The following PAPPA2 variants were observed in gnomAD, a reference collection of about 807,000 sequenced individuals.
PAPPA2 encodes the protein pappalysin-2.
PAPPA2 carries 86 observed loss-of-function variants against 176.4 expected under a neutral mutation model. That is an observed-to-expected ratio of 0.49 (90% CI 0.41 to 0.58). The LOEUF (loss-of-function observed/expected upper bound fraction) is 0.58, where lower values mean the gene tolerates loss of function less well. PAPPA2 is among the 20% of genes least tolerant of loss of function. The pLI is 0.00. For synonymous variants in PAPPA2, 809 were observed against 852.2 expected, an observed-to-expected ratio of 0.95 and a Z score of 0.88; for missense variants, 2,073 against 2,256.9, an observed-to-expected ratio of 0.92 and a Z score of 1.65.
intron 14 of PAPPA2, among the ~76,000 whole-genome samples, chr1:176,746,316 G>A (rs775329113): frequency 6.6e-6 from 1 of 152,242 alleles, no homozygotes; most frequent in Admixed American, 6.5e-5. Flanking sequence ...AGAAAGTCTT[G>A]TCAAATAACC....
chr1:176,792,689 T>C (rs1005658181), intron 19 of PAPPA2, among the ~76,000 whole-genome samples: 2 of 152,034 alleles, frequency 1.3e-5, no homozygotes, highest in East Asian at 1.9e-4. Context: ...TGTGCACATG[T>C]ACCCTAAAAC....
rs1464824339 is a variant in PAPPA2 at position 176,640,434 on chromosome 1, T to G, written c.1992-30536T>G. ...TTCAATTCCCACCTATGAGTGAGAA[T>G]ATGTGGTGTTTGGTTTTTCGTTCTT... On this transcript the variant is annotated intron_variant, in intron 3 of 22. Coordinates refer to ENST00000367662, the MANE Select transcript of PAPPA2 (RefSeq NM_020318.3). Among the ~76,000 whole-genome samples the G allele has an allele frequency of 1.3e-5, 2 of 148,670 alleles. 1 individual carries two copies. Among genetic ancestry groups the G allele is most frequent in the African/African-American group, 4.9e-5 (2 of 40,416 alleles).
chr1:176,828,179 A>G (rs746449701), intron 21 of PAPPA2, among the ~76,000 whole-genome samples: 3 of 152,274 alleles, frequency 2.0e-5, no homozygotes, highest in East Asian at 1.9e-4. Flanking sequence ...GATCAGACAC[A>G]TTATCATCAG....
chr1:176,732,332 G>T (rs898809578), intron 12 of PAPPA2, among the ~76,000 whole-genome samples: 1 of 152,164 alleles, frequency 6.6e-6, no homozygotes, highest in Non-Finnish European at 1.5e-5. Context: ...GACCAGTAAT[G>T]TAAGCCTTGT....
At chr1:176,813,716 T>C (rs1166389658) in intron 21 of PAPPA2, among the ~76,000 whole-genome samples, 4 of 152,182 alleles carry the variant, frequency 2.6e-5, no homozygotes. Context: ...ATTGCAAAAA[T>C]TTTATGCAAT....
chr1:176,691,296 A>G (rs1660110932), intron 5 of PAPPA2: 1 of 493,120 alleles, frequency 2.0e-6, no homozygotes. Context: ...AGAATAAACC[A>G]CCACACCCTG....
intron 4 of PAPPA2, among the ~76,000 whole-genome samples, chr1:176,684,159 G>A (rs554619998): frequency 6.6e-6 from 1 of 152,276 alleles, no homozygotes; most frequent in East Asian, 1.9e-4. Flanking sequence ...TCATTCTGTT[G>A]TATTACTTCC....
At chr1:176,626,332 A>G (rs1487494408) in intron 3 of PAPPA2, among the ~76,000 whole-genome samples, 1 of 152,186 alleles carries the variant, frequency 6.6e-6, no homozygotes, top group Admixed American at 6.5e-5. Flanking sequence ...TAGAATCTTC[A>G]TATATGTATT....
At chr1:176,671,931 G>T in intron 4 of PAPPA2, among the ~76,000 whole-genome samples, 1 of 115,374 alleles carries the variant, frequency 8.7e-6, no homozygotes, top group Non-Finnish European at 1.7e-5. Context: ...GGAGGGGGGA[G>T]GGATAGCTTT....
At chr1:176,538,929 T>C (rs1650223941) in intron 1 of PAPPA2, among the ~76,000 whole-genome samples, 1 of 152,194 alleles carries the variant, frequency 6.6e-6, no homozygotes, top group Non-Finnish European at 1.5e-5. Flanking sequence ...GCTGTTGACA[T>C]AACCTTTAAG....
chr1:176,539,354 G>A (rs1471684103), intron 1 of PAPPA2, among the ~76,000 whole-genome samples: 1 of 152,178 alleles, frequency 6.6e-6, no homozygotes. Context: ...CTCATGTCAT[G>A]GTGGCCTGAT....
At chr1:176,495,643 T>A (rs2102499676) in intron 1 of PAPPA2, among the ~76,000 whole-genome samples, 1 of 152,284 alleles carries the variant, frequency 6.6e-6, no homozygotes, top group East Asian at 1.9e-4. Context: ...CAGGCTATTA[T>A]TCACTCTGCT....
intron 3 of PAPPA2, among the ~76,000 whole-genome samples, chr1:176,638,223 T>G (rs1656836354): frequency 1.3e-5 from 2 of 152,054 alleles, no homozygotes; most frequent in African/African-American, 4.8e-5. Flanking sequence ...TATCCTGATT[T>G]TAAGTTTGAA....
At chr1:176,805,902 T>C (rs943648793) in intron 21 of PAPPA2, among the ~76,000 whole-genome samples, 4 of 146,172 alleles carry the variant, frequency 2.7e-5, no homozygotes, top group Non-Finnish European at 4.4e-5. Context: ...GGTGGGAGGA[T>C]CACTTGAGTC....
intron 2 of PAPPA2, among the ~76,000 whole-genome samples, chr1:176,578,871 G>T (rs1652801507): frequency 6.6e-6 from 1 of 152,156 alleles, no homozygotes; most frequent in Admixed American, 6.5e-5. Context: ...AGGAAGAAAA[G>T]GGTATGAGAT....
At chr1:176,552,746 C>T (rs1651036830) in intron 1 of PAPPA2, among the ~76,000 whole-genome samples, 1 of 152,190 alleles carries the variant, frequency 6.6e-6, no homozygotes, top group South Asian at 2.1e-4. Context: ...TCTAGCTTCG[C>T]TGGTTTGAAA....
At chr1:176,546,276 T>C (rs1650631717) in intron 1 of PAPPA2, among the ~76,000 whole-genome samples, 1 of 152,210 alleles carries the variant, frequency 6.6e-6, no homozygotes, top group African/African-American at 2.4e-5. Context: ...GATATCCATC[T>C]CACCTCACTG....
intron 17 of PAPPA2, among the ~76,000 whole-genome samples, chr1:176,787,737 T>C (rs1665003447): frequency 7.0e-6 from 1 of 141,970 alleles, no homozygotes; most frequent in African/African-American, 2.8e-5. Flanking sequence ...TAACATCCTT[T>C]AGTGTGTTTC....
chr1:176,838,489 A>C (rs567531089), intron 21 of PAPPA2, among the ~76,000 whole-genome samples: 1 of 152,286 alleles, frequency 6.6e-6, no homozygotes, highest in South Asian at 2.1e-4. Context: ...AATAAGATAC[A>C]CTCCAAACAC....
Sources: gnomAD v4.1 joint callset for allele counts (sites outside exome capture counted in the v4.1 genomes callset) on GRCh38, gnomAD v4.1.1 for gene constraint, MANE v1.5 for transcripts, NCBI Gene and HGNC (gene_info 2026-07-23, HGNC 2026-07-21) for gene names.